SPTBN1: variants seen among roughly 807,000 people sequenced by gnomAD.
The protein encoded by SPTBN1 is spectrin beta chain, non-erythrocytic 1.
Under a neutral mutation model 266.4 loss-of-function variants are expected in SPTBN1, and 32 were observed. The ratio of observed to expected loss-of-function variants is 0.12; its 90% CI spans 0.09 to 0.16. The LOEUF (loss-of-function observed/expected upper bound fraction) is 0.16, where lower values mean the gene tolerates loss of function less well. Ranked by LOEUF, SPTBN1 falls within the 10% of genes least tolerant of loss-of-function variation. The probability of loss-of-function intolerance (pLI) is 1.00; values close to 1 mark genes in which losing one functional copy is unlikely to be tolerated. For missense variants in SPTBN1, 2,296 were observed against 3,067.1 expected (o/e 0.75, Z 5.94); for synonymous variants, 1,336 against 1,162.2 (o/e 1.15, Z -3.04).
At chr2:54,648,879 A>T (rs1361500870) in intron 24 of SPTBN1, 107 bp from the exon 25 acceptor site, 1 of 1,059,286 alleles carries the variant, frequency 9.4e-7, no homozygotes, top group East Asian at 2.6e-5. Context: ...CCTTTGAGAA[A>T]TATGATGTAA....
chr2:54,576,341 AC>A (rs1674476528), intron 2 of SPTBN1, among the ~76,000 whole-genome samples: 1 of 152,120 alleles, frequency 6.6e-6, no homozygotes, highest in African/African-American at 2.4e-5. Context: ...GGTGTGAGCC[AC>A]CGCGCCCGGC....
Position 54,558,745 on chromosome 2 carries a change from G to A in SPTBN1, c.148+32179G>A. On this transcript the variant is annotated intron_variant, in intron 2 of 35. Coordinates refer to ENST00000356805, the MANE Select transcript of SPTBN1 (RefSeq NM_003128.3). This position sits in a 1 kb window ranked among gnomAD's most constrained non-coding sequence, Gnocchi z 4.6. ...GGAGGGGGCTGGAGCGAGATTTCCA[G>A]GGCGCAGTCCTCCGGGGCGTTACGC... is the stretch of plus-strand genomic sequence containing the variant. 6.2e-7 allele frequency: 1 copy of A among 1,600,922 alleles called. No individual in the cohort carries two copies. Among genetic ancestry groups the A allele is most frequent in the East Asian group, 2.3e-5 (1 of 44,254 alleles).
Position 54,629,475 on chromosome 2 carries a change from T to A in SPTBN1, c.2341T>A (p.Ser781Thr). ...DVGHDEYSTQ[S>T]LVKKHKDVAE... Reference sequence around the variant, plus strand: ...GGGCCACGATGAGTATTCCACACAGTCTCTGGTCAAGAAACACAAGGACGT... The same window carrying A: ...GGGCCACGATGAGTATTCCACACAGACTCTGGTCAAGAAACACAAGGACGT... Residue 781 changes from serine to threonine, a missense_variant, in exon 14 of 36, where the codon TCT (serine) becomes ACT (threonine). Coordinates refer to ENST00000356805, the MANE Select transcript of SPTBN1 (RefSeq NM_003128.3). The A allele has an allele frequency of 6.2e-7, 1 of 1,614,102 alleles. No homozygotes were observed. Among genetic ancestry groups the A allele is most frequent in the East Asian group, 2.2e-5 (1 of 44,886 alleles).
chr2:54,492,350 T>TG lies in SPTBN1; in HGVS notation c.-47-34022_-47-34021insG, dbSNP rs1668735264. 2.2e-5 allele frequency among the ~76,000 whole-genome samples: 3 copies of TG among 138,616 alleles called. No homozygotes were observed. In the South Asian group the frequency reaches 6.8e-4, roughly 31 times the overall value. The allele number at this position is 138,616 out of a possible 152,430, so 90.9% of individuals were successfully genotyped here. On this transcript the variant is annotated intron_variant, in intron 1 of 35. Coordinates refer to ENST00000356805, the MANE Select transcript of SPTBN1 (RefSeq NM_003128.3). ...TAGTTTGTCTGCAGTTGTTTTTTTG[T>TG]TTTTTTTTTTTTTTGCTACTATAGA...
At chr2:54,541,840 GTT>G in intron 2 of SPTBN1, among the ~76,000 whole-genome samples, 1 of 152,322 alleles carries the variant, frequency 6.6e-6, no homozygotes, top group East Asian at 1.9e-4. Context: ...ATAAATGTAT[GTT>G]TATGGGTGTA....
At chr2:54,594,021 C>T (rs55874850) in intron 2 of SPTBN1, among the ~76,000 whole-genome samples, 1,542 of 151,728 alleles carry the variant, frequency 0.01, 33 homozygotes, top group African/African-American at 0.035. Flanking sequence ...TTAGTAGAGA[C>T]GGGGTTTCAC....
At chr2:54,541,909 T>C (rs1443792278) in intron 2 of SPTBN1, among the ~76,000 whole-genome samples, 2 of 152,254 alleles carry the variant, frequency 1.3e-5, no homozygotes, top group Non-Finnish European at 2.9e-5. Flanking sequence ...GTGTACCACA[T>C]GAGATGCTCT....
At chr2:54,516,505 CTCT>C (rs1229696614) in intron 1 of SPTBN1, among the ~76,000 whole-genome samples, 1 of 152,180 alleles carries the variant, frequency 6.6e-6, no homozygotes, top group Non-Finnish European at 1.5e-5. Context: ...AGTTGTTTAA[CTCT>C]TGGGGCCCCA....
chr2:54,571,558 CACACACACACACACACAT>C (rs1172071010), intron 2 of SPTBN1, among the ~76,000 whole-genome samples: 5,532 of 73,000 alleles, frequency 0.076, 320 homozygotes, highest in African/African-American at 0.24. Flanking sequence ...CACACACACA[CACACACACACACACACAT>C]ACACACACAC....
At chr2:54,597,136 T>G (rs1310182826) in intron 2 of SPTBN1, among the ~76,000 whole-genome samples, 1 of 152,242 alleles carries the variant, frequency 6.6e-6, no homozygotes, top group Non-Finnish European at 1.5e-5. Flanking sequence ...GCATAAAGGA[T>G]TTTATAATTC....
chr2:54,474,886 A>G (rs1018732340), intron 1 of SPTBN1, among the ~76,000 whole-genome samples: 6 of 152,186 alleles, frequency 3.9e-5, no homozygotes, highest in African/African-American at 1.4e-4. Flanking sequence ...TCAAAAGTGG[A>G]TGTAGGCTGG....
rs556448120 is a variant in SPTBN1 at position 54,478,884 on chromosome 2, G to A, written c.-48+22366G>A. On this transcript the variant is annotated intron_variant, in intron 1 of 35. Transcript: ENST00000356805. ...CAGAGATAAAAAAAGATGTATGTAC[G>A]TATATGTGAGTGTGTGTGTATATAT... 1.0e-4 allele frequency among the ~76,000 whole-genome samples: 15 copies of A among 150,630 alleles called. No homozygotes were observed. In the East Asian group the frequency reaches 2.2e-3, roughly 22 times the overall value.
At chr2:54,483,225 G>T (rs1246500393) in intron 1 of SPTBN1, among the ~76,000 whole-genome samples, 1 of 152,142 alleles carries the variant, frequency 6.6e-6, no homozygotes, top group Non-Finnish European at 1.5e-5. Flanking sequence ...GGGAAACAAG[G>T]ACAGTGCTAG....
chr2:54,595,586 C>G (rs1280582068), intron 2 of SPTBN1, among the ~76,000 whole-genome samples: 1 of 152,276 alleles, frequency 6.6e-6, no homozygotes, highest in Non-Finnish European at 1.5e-5. Flanking sequence ...TGCTGCTCCT[C>G]TGCCTTGCAA....
rs1053690176 is a variant in SPTBN1 at position 54,533,879 on chromosome 2, ATCTC to A, written c.148+7321_148+7324del. Among the ~76,000 whole-genome samples, 7 of 146,160 alleles carry A rather than the reference ATCTC, an allele frequency of 4.8e-5. No individual in the cohort carries two copies. The highest frequency in any genetic ancestry group is 4.0e-4 in the East Asian group (2 of 4,942). On this transcript the variant is annotated intron_variant, in intron 2 of 35. Coordinates refer to ENST00000356805, the MANE Select transcript of SPTBN1 (RefSeq NM_003128.3). The surrounding 1 kb of genome is among the most constrained non-coding windows in gnomAD (Gnocchi z 4.2). ...TGTAGTAATTTAGGGGGAAAGATTG[ATCTC>A]TCTCTCTGTCTCTCTCTCACACACA...
Position 54,659,286 on chromosome 2 carries a change from G to A in SPTBN1, c.6356+20G>A, listed in dbSNP as rs1399468692. 4 of 1,612,900 alleles carry A rather than the reference G, an allele frequency of 2.5e-6. No individual in the cohort carries two copies. In the African/African-American group the frequency reaches 5.3e-5, roughly 22 times the overall value. On this transcript the variant is annotated intron_variant, in intron 31 of 35. Transcript: ENST00000356805. Reference sequence around the variant, plus strand: ...GCAGTGGTGAGTCCCAGCAGCTCCAGAGGCTGGACCCTTAGCCTCGGTGGC... The same window carrying A: ...GCAGTGGTGAGTCCCAGCAGCTCCAAAGGCTGGACCCTTAGCCTCGGTGGC...
At chr2:54,504,079 G>A (rs11883910) in intron 1 of SPTBN1, among the ~76,000 whole-genome samples, 21,565 of 152,134 alleles carry the variant, frequency 0.14, 1,607 homozygotes, top group Middle Eastern at 0.18. Flanking sequence ...AAGTGCACTG[G>A]GTGGGACTGA....
In SPTBN1 at chr2:54,649,482, A is replaced by G. The variant is rs554673088; in HGVS notation, c.5203-133A>G. Reference sequence around the variant, plus strand: ...CTAAGAGGTTCTCGAGCTAAGATCTATTGTTCTGAAGTCATGAGTATTATT... The same window carrying G: ...CTAAGAGGTTCTCGAGCTAAGATCTGTTGTTCTGAAGTCATGAGTATTATT... On this transcript the variant is annotated intron_variant, in intron 25 of 35. Transcript: ENST00000356805. This position sits in a 1 kb window ranked among gnomAD's most constrained non-coding sequence, Gnocchi z 6.7. The G allele has an allele frequency of 1.4e-4, 193 of 1,368,530 alleles. No individual in the cohort carries two copies. The highest frequency in any genetic ancestry group is 8.8e-4 in the African/African-American group (60 of 68,256). 84.8% of individuals were successfully genotyped at this position (1,368,530 alleles called of 1,614,324 possible).
In SPTBN1 at chr2:54,492,112, A is replaced by T. The variant is rs1366702043; in HGVS notation, c.-47-34260A>T. The stretch of plus-strand genomic sequence containing the variant: ...AATAACTTCTGAATATGAGAGTAAT[A>T]CATTAAAGAATATTCCTGTAATCCT... On this transcript the variant is annotated intron_variant, in intron 1 of 35. Transcript: ENST00000356805. Among the ~76,000 whole-genome samples the T allele has an allele frequency of 7.9e-5, 12 of 152,320 alleles. No individual in the cohort carries two copies. In the South Asian group the frequency reaches 2.5e-3, roughly 32 times the overall value.
Sources: gnomAD v4.1 joint callset for allele counts (sites outside exome capture counted in the v4.1 genomes callset) on GRCh38, gnomAD v4.1.1 for gene constraint, Gnocchi (gnomAD v3.1) non-coding constraint, MANE v1.5 for transcripts, NCBI Gene and HGNC (gene_info 2026-07-23, HGNC 2026-07-21) for gene names.